The following DLG1 variants were observed in gnomAD, a reference collection of about 807,000 sequenced individuals.
DLG1 encodes discs large MAGUK scaffold protein 1, also known as disks large homolog 1.
A neutral mutation model predicts 123.4 loss-of-function variants in DLG1; 42 were observed. The observed-to-expected ratio is 0.34, with a 90% confidence interval of 0.27 to 0.44. The LOEUF is 0.44. Among genes scored for constraint, DLG1 ranks in the 20% least tolerant of loss-of-function variants. The pLI, the probability that DLG1 is intolerant of heterozygous loss-of-function variation, is 1.00. For synonymous variants in DLG1, 317 were observed against 356.2 expected (o/e 0.89, Z 1.24); for missense variants, 942 against 1,082.6 (o/e 0.87, Z 1.82).
chr3:197,289,378 C>T (rs1457862425), intron 3 of DLG1, among the ~76,000 whole-genome samples: 1 of 135,516 alleles, frequency 7.4e-6, no homozygotes, highest in Non-Finnish European at 1.6e-5. Flanking sequence ...AAATAACATT[C>T]CAGGATATTC....
chr3:197,129,804 G>T (rs1781587602), intron 11 of DLG1, among the ~76,000 whole-genome samples: 1 of 152,130 alleles, frequency 6.6e-6, no homozygotes, highest in African/African-American at 2.4e-5. Context: ...GGAGATAGGG[G>T]AATGACTAGT....
At chr3:197,059,676 A>T (rs557928108) in intron 23 of DLG1, among the ~76,000 whole-genome samples, 1 of 67,386 alleles carries the variant, frequency 1.5e-5, no homozygotes, top group East Asian at 5.2e-4. Context: ...AACACATGTT[A>T]CCTTATACTT....
At chr3:197,296,656 A>T in intron 2 of DLG1, 179 bp from the exon 3 acceptor site, 1 of 498,442 alleles carries the variant, frequency 2.0e-6, no homozygotes, top group Non-Finnish European at 3.5e-6. Flanking sequence ...AAAAAAAATT[A>T]AAGAAATACA....
At chr3:197,142,926 G>T in intron 6 of DLG1, 158 bp from the exon 7 acceptor site, 1 of 610,034 alleles carries the variant, frequency 1.6e-6, no homozygotes. Flanking sequence ...GATTTTCAAG[G>T]AATGGAAAAA....
Position 197,203,412 on chromosome 3 carries a change from A to G in DLG1, c.319-8823T>C, listed in dbSNP as rs188343148. 8.5e-5 allele frequency among the ~76,000 whole-genome samples: 13 copies of G among 152,334 alleles called. No homozygotes were observed. The East Asian group carries it at 2.3e-3, about 27-fold the overall frequency. ...CGAAAACTAGGTTTTCTGAAAGTCA[A>G]AAGTAGGATATTTTAAATTCTAAAA... On this transcript the variant is annotated intron_variant, in intron 4 of 24. Coordinates refer to ENST00000667157, the MANE Select transcript of DLG1 (RefSeq NM_001366207.1).
intron 11 of DLG1, 53 bp downstream of exon 11, chr3:197,130,474 T>A: frequency 6.9e-7 from 1 of 1,443,204 alleles, no homozygotes; most frequent in East Asian, 2.4e-5. Flanking sequence ...ACTAATGGCA[T>A]CACAACTGAA....
chr3:197,277,875 T>G (rs1358241346), intron 4 of DLG1, among the ~76,000 whole-genome samples: 1 of 152,178 alleles, frequency 6.6e-6, no homozygotes. Context: ...ACCTTACACC[T>G]GTAATCCCAG....
Position 197,156,669 on chromosome 3 carries a change from C to G in DLG1, c.484-6873G>C, listed in dbSNP as rs1216736876. 2.6e-5 allele frequency among the ~76,000 whole-genome samples: 4 copies of G among 151,482 alleles called. No individual in the cohort carries two copies. The East Asian group carries it at 7.7e-4, about 29-fold the overall frequency. On this transcript the variant is annotated intron_variant, in intron 5 of 24. Transcript: ENST00000667157. ...CAGGAGTGGCTGTACTCATAACAGA[C>G]AAAATAGACTTTAAATAAAAAAAAG...
intron 16 of DLG1, among the ~76,000 whole-genome samples, chr3:197,084,456 C>T (rs184542289): frequency 1.1e-4 from 16 of 151,748 alleles, no homozygotes; most frequent in Admixed American, 3.9e-4. Flanking sequence ...CGATTACAGG[C>T]GCCCGCCACC....
chr3:197,100,827 C>G (rs1414661137), intron 14 of DLG1, among the ~76,000 whole-genome samples: 1 of 152,142 alleles, frequency 6.6e-6, no homozygotes, highest in Non-Finnish European at 1.5e-5. Context: ...ACCATAAATA[C>G]CCTCTGAGGA....
intron 4 of DLG1, among the ~76,000 whole-genome samples, chr3:197,223,276 T>C (rs1253486386): frequency 6.6e-6 from 1 of 152,194 alleles, no homozygotes. Flanking sequence ...CATGTTTTGC[T>C]GATACTGCTC....
intron 5 of DLG1, chr3:197,183,707 G>A (rs991633882): frequency 4.5e-6 from 7 of 1,550,392 alleles, no homozygotes; most frequent in Non-Finnish European, 6.1e-6. Context: ...TTTTTGCCCA[G>A]TGTTTCTGCT....
In DLG1 at chr3:197,247,747, T is replaced by A. The variant is rs575388301; in HGVS notation, c.318+34932A>T. 1.3e-3 allele frequency among the ~76,000 whole-genome samples: 196 copies of A among 152,314 alleles called. 1 individual carries two copies. The highest frequency in any genetic ancestry group is 1.4e-3 in the Non-Finnish European group (92 of 68,034). The stretch of plus-strand genomic sequence containing the variant: ...TTTAACATGAGACCTAAGGGACTAT[T>A]AAGGGGAATGTTATTAGCCTTATAC... On this transcript the variant is annotated intron_variant, in intron 4 of 24. Transcript: ENST00000667157.
At chr3:197,109,952 T>C (rs1295666326) in intron 13 of DLG1, among the ~76,000 whole-genome samples, 1 of 152,202 alleles carries the variant, frequency 6.6e-6, no homozygotes, top group African/African-American at 2.4e-5. Flanking sequence ...ACAGTTCGAT[T>C]GTAATGTGTC....
chr3:197,088,945 T>C (rs1048335646), intron 15 of DLG1, among the ~76,000 whole-genome samples: 5 of 152,176 alleles, frequency 3.3e-5, no homozygotes, highest in Non-Finnish European at 5.9e-5. Context: ...TTAACAGAGA[T>C]AGGCTATGTT....
intron 14 of DLG1, among the ~76,000 whole-genome samples, chr3:197,095,618 A>T (rs1326673994): frequency 1.3e-5 from 2 of 152,132 alleles, no homozygotes; most frequent in African/African-American, 4.8e-5. Context: ...TCCCATCACC[A>T]ATGTTATTAA....
At chr3:197,237,113 CAT>C (rs1746373293) in intron 4 of DLG1, among the ~76,000 whole-genome samples, 1 of 152,082 alleles carries the variant, frequency 6.6e-6, no homozygotes. Flanking sequence ...AAAAGATAAA[CAT>C]ATCTTTTAAA....
intron 6 of DLG1, among the ~76,000 whole-genome samples, chr3:197,145,716 G>A (rs976836159): frequency 6.6e-6 from 1 of 151,888 alleles, no homozygotes; most frequent in Non-Finnish European, 1.5e-5. Context: ...AATATTCCTG[G>A]TGCTTAATTT....
chr3:197,055,977 C>T (rs1389761965), intron 23 of DLG1, among the ~76,000 whole-genome samples: 1 of 152,184 alleles, frequency 6.6e-6, no homozygotes, highest in Non-Finnish European at 1.5e-5. Context: ...CTGGCTCCCA[C>T]AAACCCTATG....
Sources: gnomAD v4.1 joint callset for allele counts (sites outside exome capture counted in the v4.1 genomes callset) on GRCh38, gnomAD v4.1.1 for gene constraint, MANE v1.5 for transcripts, NCBI Gene and HGNC (gene_info 2026-07-23, HGNC 2026-07-21) for gene names.